Variants in CAMK1D observed in about 807,000 individuals in gnomAD.
CAMK1D encodes calcium/calmodulin dependent protein kinase ID.
In CAMK1D, 9 loss-of-function variants were observed where a neutral mutation model predicts 47.7. The ratio of observed to expected loss-of-function variants is 0.19; its 90% CI spans 0.11 to 0.33. The LOEUF (loss-of-function observed/expected upper bound fraction) is 0.33. Ranked by LOEUF, CAMK1D falls within the 10% of genes least tolerant of loss-of-function variation. The probability of loss-of-function intolerance (pLI) is 1.00; values close to 1 mark genes in which losing one functional copy is unlikely to be tolerated. For missense variants in CAMK1D, 291 were observed against 488.7 expected (o/e 0.60, Z 3.81); for synonymous variants, 184 against 184.9 (o/e 0.99, Z 0.04).
chr10:12,781,884 G>A (rs2130967176), intron 5 of CAMK1D, among the ~76,000 whole-genome samples: 1 of 152,120 alleles, frequency 6.6e-6, no homozygotes, highest in African/African-American at 2.4e-5. Context: ...CTGACCTCAG[G>A]TGACCCACCG....
At chr10:12,535,066 C>T (rs548100072) in intron 1 of CAMK1D, among the ~76,000 whole-genome samples, 1 of 152,288 alleles carries the variant, frequency 6.6e-6, no homozygotes, top group Non-Finnish European at 1.5e-5. Context: ...ACGTCAGGGT[C>T]CTGTTAGCTG....
chr10:12,784,642 T>G (rs77192679), intron 5 of CAMK1D, among the ~76,000 whole-genome samples: 26 of 152,358 alleles, frequency 1.7e-4, no homozygotes, highest in Non-Finnish European at 3.7e-4. Flanking sequence ...CTGCTCTTGC[T>G]TTTACCTAAT....
At chr10:12,682,991 G>T (rs142961600) in intron 3 of CAMK1D, among the ~76,000 whole-genome samples, 1 of 151,352 alleles carries the variant, frequency 6.6e-6, no homozygotes, top group Non-Finnish European at 1.5e-5. Context: ...GTGCAATCTC[G>T]GCTCACTGCA....
intron 3 of CAMK1D, among the ~76,000 whole-genome samples, chr10:12,743,286 G>A (rs1835513092): frequency 6.6e-6 from 1 of 150,464 alleles, no homozygotes; most frequent in Non-Finnish European, 1.5e-5. Flanking sequence ...GGCAGAGGTT[G>A]CAGTGAGCCA....
chr10:12,453,761 G>A (rs1349651670), intron 1 of CAMK1D, among the ~76,000 whole-genome samples: 2 of 152,166 alleles, frequency 1.3e-5, no homozygotes, highest in East Asian at 3.8e-4. Flanking sequence ...AACCCCTAAA[G>A]TTTTAAATGT....
chr10:12,575,781 G>T (rs1480973526), intron 2 of CAMK1D, among the ~76,000 whole-genome samples: 1 of 152,164 alleles, frequency 6.6e-6, no homozygotes, highest in Admixed American at 6.5e-5. Flanking sequence ...AGAAGACAGT[G>T]GTGGTTTGCA....
chr10:12,797,940 G>A (rs1462371854), intron 6 of CAMK1D, among the ~76,000 whole-genome samples: 1 of 152,142 alleles, frequency 6.6e-6, no homozygotes, highest in East Asian at 1.9e-4. Flanking sequence ...AACAGTGAGG[G>A]GGGAAACTTC....
chr10:12,419,787 G>A (rs1839988166), intron 1 of CAMK1D, among the ~76,000 whole-genome samples: 1 of 152,092 alleles, frequency 6.6e-6, no homozygotes, highest in East Asian at 1.9e-4. Flanking sequence ...GTTTTCTTTT[G>A]TAAATAAGTG....
intron 1 of CAMK1D, among the ~76,000 whole-genome samples, chr10:12,531,030 C>T (rs951438354): frequency 1.3e-5 from 2 of 149,900 alleles, no homozygotes; most frequent in Non-Finnish European, 3.0e-5. Flanking sequence ...TGCACTCTAG[C>T]CTGGAAGACA....
intron 3 of CAMK1D, among the ~76,000 whole-genome samples, chr10:12,730,530 G>A (rs1455296708): frequency 6.6e-6 from 1 of 152,166 alleles, no homozygotes; most frequent in African/African-American, 2.4e-5. Flanking sequence ...GACCATTGGT[G>A]TATTGATTTG....
At chr10:12,454,309 C>T (rs1232477007) in intron 1 of CAMK1D, among the ~76,000 whole-genome samples, 6 of 150,142 alleles carry the variant, frequency 4.0e-5, no homozygotes, top group Admixed American at 4.0e-4. Flanking sequence ...ACTACAGGCG[C>T]GTGCCACCAC....
intron 1 of CAMK1D, among the ~76,000 whole-genome samples, chr10:12,418,731 T>C (rs887227754): frequency 6.6e-6 from 1 of 152,198 alleles, no homozygotes; most frequent in Admixed American, 6.5e-5. Context: ...ATGAAACCTT[T>C]TAAAAAGTAT....
intron 6 of CAMK1D, among the ~76,000 whole-genome samples, chr10:12,791,729 G>A (rs1165580449): frequency 1.3e-5 from 2 of 152,196 alleles, no homozygotes; most frequent in African/African-American, 2.4e-5. Context: ...TTGGTCCGTC[G>A]ATAGACATTT....
rs1189305585 is a variant in CAMK1D, at chr10:12,710,599, G to C, written c.299+43789G>C. On this transcript the variant is annotated intron_variant, in intron 3 of 10. Coordinates refer to ENST00000619168, the MANE Select transcript of CAMK1D (RefSeq NM_153498.4). Reference sequence around the variant, plus strand: ...CGGGCTCAGGTCCTGCAAGTTGTGGGATGGGGGCCAGGATAATTTGCCACC... The same window carrying C: ...CGGGCTCAGGTCCTGCAAGTTGTGGCATGGGGGCCAGGATAATTTGCCACC... Among the ~76,000 whole-genome samples the C allele has an allele frequency of 2.0e-5, 3 of 152,184 alleles. No homozygotes were observed. The East Asian group carries it at 5.8e-4, about 29-fold the overall frequency.
At chr10:12,550,070 C>T (rs960842824) in intron 1 of CAMK1D, among the ~76,000 whole-genome samples, 10 of 152,134 alleles carry the variant, frequency 6.6e-5, no homozygotes, top group Non-Finnish European at 1.3e-4. Flanking sequence ...GAGAGTGGAG[C>T]GAGGGGCAGC....
chr10:12,568,102 T>A (rs929595302), intron 2 of CAMK1D, among the ~76,000 whole-genome samples: 12 of 35,874 alleles, frequency 3.3e-4, no homozygotes, highest in African/African-American at 1.4e-3. Context: ...CCTGCCTGTC[T>A]GCTTTCCTGC....
intron 2 of CAMK1D, among the ~76,000 whole-genome samples, chr10:12,605,114 C>T (rs1243514330): frequency 6.6e-6 from 1 of 152,048 alleles, no homozygotes; most frequent in Non-Finnish European, 1.5e-5. Context: ...GTCTCGATCT[C>T]CTGACCTTGT....
intron 2 of CAMK1D, among the ~76,000 whole-genome samples, chr10:12,623,127 TC>T (rs1564451276): frequency 1.3e-4 from 7 of 53,060 alleles, no homozygotes; most frequent in East Asian, 8.6e-4. Flanking sequence ...CTTCTTTCCT[TC>T]CTCCCTCCCT....
intron 1 of CAMK1D, among the ~76,000 whole-genome samples, chr10:12,376,086 C>G (rs1055468061): frequency 1.4e-5 from 2 of 139,380 alleles, no homozygotes; most frequent in Non-Finnish European, 3.0e-5. Flanking sequence ...TCACTTGAAC[C>G]TGGGAGGTAG....
Sources: gnomAD v4.1 joint callset for allele counts (sites outside exome capture counted in the v4.1 genomes callset) on GRCh38, gnomAD v4.1.1 for gene constraint, MANE v1.5 for transcripts, NCBI Gene and HGNC (gene_info 2026-07-23, HGNC 2026-07-21) for gene names.